The following GMPR variants were observed in gnomAD, a reference collection of about 807,000 sequenced individuals.
The protein encoded by GMPR is GMP reductase 1.
In GMPR, 31 loss-of-function variants were observed where a neutral mutation model predicts 38.4. That is an observed-to-expected ratio of 0.81 (90% CI 0.61 to 1.09). The LOEUF is 1.09. Ranked by LOEUF, GMPR falls within the 50% of genes least tolerant of loss-of-function variation. The probability of loss-of-function intolerance (pLI) is 0.00; values close to 1 mark genes in which losing one functional copy is unlikely to be tolerated. For synonymous variants in GMPR, 162 were observed against 173.3 expected (o/e 0.93, Z 0.51); for missense variants, 468 against 453.7 (o/e 1.03, Z -0.29).
At chr6:16,285,520 G>A (rs1759662105) in intron 6 of GMPR, among the ~76,000 whole-genome samples, 1 of 152,232 alleles carries the variant, frequency 6.6e-6, no homozygotes, top group Non-Finnish European at 1.5e-5. Context: ...TGCAACAGAA[G>A]TGTCTGAGCC....
rs934321360 is a variant in GMPR at position 16,285,848 on chromosome 6, C to G, written c.697+13C>G. 10 of 1,604,668 alleles carry G rather than the reference C, an allele frequency of 6.2e-6. No homozygotes were observed. The highest frequency in any genetic ancestry group is 8.5e-6 in the Non-Finnish European group (10 of 1,174,644). On this transcript the variant is annotated intron_variant, in intron 7 of 8. Coordinates refer to ENST00000259727, the MANE Select transcript of GMPR (RefSeq NM_006877.4). ...GCCAAAGCCTTTGGTAAGGCCGGGC[C>G]CTGGTGCAGAGGGAGGGAAGGAAGG...
intron 7 of GMPR, among the ~76,000 whole-genome samples, chr6:16,289,067 G>C (rs946067007): frequency 2.0e-5 from 3 of 152,158 alleles, no homozygotes; most frequent in Admixed American, 6.5e-5. Flanking sequence ...TTCTTTGGGA[G>C]GGTGATTTGT....
At chr6:16,255,510 C>T (rs529219013) in intron 4 of GMPR, among the ~76,000 whole-genome samples, 19 of 152,102 alleles carry the variant, frequency 1.2e-4, no homozygotes, top group Non-Finnish European at 1.6e-4. Flanking sequence ...GATGGTGAAT[C>T]GGTCAGTGGT....
intron 8 of GMPR, among the ~76,000 whole-genome samples, chr6:16,293,018 C>CTG (rs781099789): frequency 6.8e-6 from 1 of 147,338 alleles, no homozygotes; most frequent in East Asian, 1.9e-4. Context: ...CTGTCTGAGT[C>CTG]TCTCTCTCTC....
chr6:16,281,319 G>T (rs1759568877), intron 6 of GMPR, among the ~76,000 whole-genome samples: 1 of 152,090 alleles, frequency 6.6e-6, no homozygotes, highest in Non-Finnish European at 1.5e-5. Context: ...TACGCTGGCG[G>T]GGTGAGTGTT....
chr6:16,267,149 G>A lies in GMPR; in HGVS notation c.466-7266G>A, dbSNP rs146389505. Among the ~76,000 whole-genome samples the A allele has an allele frequency of 1.6e-3, 240 of 152,206 alleles. 5 individuals carry two copies. The highest frequency in any genetic ancestry group is 0.014 in the Admixed American group (220 of 15,292). On this transcript the variant is annotated intron_variant, in intron 4 of 8. Transcript: ENST00000259727. Reference sequence around the variant, plus strand: ...GAGGCCGAGGTGGGCGGATCACCAGGTCAGGAGATCATGACCATCCTGGCT... The same window carrying A: ...GAGGCCGAGGTGGGCGGATCACCAGATCAGGAGATCATGACCATCCTGGCT...
At chr6:16,251,541 G>A (rs957060014) in intron 3 of GMPR, among the ~76,000 whole-genome samples, 1 of 152,212 alleles carries the variant, frequency 6.6e-6, no homozygotes, top group African/African-American at 2.4e-5. Context: ...TTGCACTCCA[G>A]CCTGGGCAAC....
chr6:16,249,870 C>T (rs960208812), intron 2 of GMPR, among the ~76,000 whole-genome samples: 5 of 152,114 alleles, frequency 3.3e-5, no homozygotes, highest in South Asian at 2.1e-4. Flanking sequence ...TCTTCAGGGT[C>T]GGCTAAGCAG....
rs151118136 is a variant in GMPR at position 16,272,879 on chromosome 6, G to A, written c.466-1536G>A. Among the ~76,000 whole-genome samples, 377 of 151,874 alleles carry A rather than the reference G, an allele frequency of 2.5e-3. 2 individuals are homozygous for A. The highest frequency in any genetic ancestry group is 8.6e-3 in the African/African-American group (354 of 41,374). On this transcript the variant is annotated intron_variant, in intron 4 of 8. Transcript: ENST00000259727. The stretch of plus-strand genomic sequence containing the variant: ...GGATTTTGCCATGTTGCCCAAGCTC[G>A]TCTCAAACTCCTGGGCTCGAGCAAT...
chr6:16,244,947 G>A (rs1303811864), intron 1 of GMPR, among the ~76,000 whole-genome samples: 1 of 152,148 alleles, frequency 6.6e-6, no homozygotes, highest in African/African-American at 2.4e-5. Context: ...CTGCTGATAG[G>A]TTTTGGAGTG....
chr6:16,268,746 A>C (rs1430398620), intron 4 of GMPR, among the ~76,000 whole-genome samples: 1 of 152,154 alleles, frequency 6.6e-6, no homozygotes, highest in Non-Finnish European at 1.5e-5. Flanking sequence ...TTTAATGGGT[A>C]CAGAATTTCA....
At chr6:16,278,644 C>G (rs968769174) in intron 5 of GMPR, 140 bp from the exon 6 acceptor site, 5 of 705,110 alleles carry the variant, frequency 7.1e-6, no homozygotes, top group African/African-American at 7.0e-5. Flanking sequence ...GATGGGGCAG[C>G]CTGTTCCCCA....
Position 16,274,510 on chromosome 6 carries a change from G to C in GMPR, c.547+14G>C. The C allele has an allele frequency of 6.8e-7, 1 of 1,477,862 alleles. No individual in the cohort carries two copies. 91.5% of individuals were successfully genotyped at this position (1,477,862 alleles called of 1,614,324 possible). A position where few individuals can be genotyped will look rare whatever the true frequency, so the allele number is the denominator to read the frequency against. On this transcript the variant is annotated intron_variant, in intron 5 of 8. Coordinates refer to ENST00000259727, the MANE Select transcript of GMPR (RefSeq NM_006877.4). The stretch of plus-strand genomic sequence containing the variant: ...GAGTTGGACCAGGTAAGACTTGTTA[G>C]GAGCACAGCAGAGGACGTGTGTGGG...
chr6:16,294,996 C>T lies in GMPR; in HGVS notation c.858-10C>T, dbSNP rs202063080. On this transcript the variant is annotated splice_polypyrimidine_tract_variant and intron_variant, in intron 8 of 8. Coordinates refer to ENST00000259727, the MANE Select transcript of GMPR (RefSeq NM_006877.4). Reference sequence around the variant, plus strand: ...AACTAGATAAAAAGAAAACTTCTATCGTCTTCCAGAGCCTCTGAGGGTAAG... The same window carrying T: ...AACTAGATAAAAAGAAAACTTCTATTGTCTTCCAGAGCCTCTGAGGGTAAG... The T allele has an allele frequency of 9.4e-6, 15 of 1,600,470 alleles. No individual in the cohort carries two copies. The highest frequency in any genetic ancestry group is 2.7e-5 in the African/African-American group (2 of 73,832).
Position 16,290,479 on chromosome 6 carries a change from G to A in GMPR, c.715G>A (p.Val239Ile). The A allele has an allele frequency of 6.2e-7, 1 of 1,614,038 alleles. No homozygotes were observed. The highest frequency in any genetic ancestry group is 8.5e-7 in the Non-Finnish European group (1 of 1,179,916). The change falls in exon 8 of 9, where the codon GTC (valine) becomes ATC (isoleucine). Residue 239 changes from valine to isoleucine, a missense_variant. Transcript: ENST00000259727. ...AKAFGAGADF[V>I]MLGGMFSGHT... ...GCATTTAGGAGCTGGAGCAGATTTT[G>A]TCATGCTGGGAGGAATGTTTTCGGG...
At chr6:16,245,614 C>T (rs901620414) in intron 1 of GMPR, among the ~76,000 whole-genome samples, 4 of 152,198 alleles carry the variant, frequency 2.6e-5, no homozygotes, top group African/African-American at 7.2e-5. Flanking sequence ...TTGTGTCTAT[C>T]GGAGTCCAGC....
At chr6:16,250,601 T>C (rs1292633692) in intron 3 of GMPR, among the ~76,000 whole-genome samples, 1 of 152,222 alleles carries the variant, frequency 6.6e-6, no homozygotes, top group African/African-American at 2.4e-5. Flanking sequence ...AAGTGTGTTA[T>C]ATCCCAAGAG....
chr6:16,261,025 C>G (rs1254161716), intron 4 of GMPR, among the ~76,000 whole-genome samples: 2 of 151,844 alleles, frequency 1.3e-5, no homozygotes, highest in Admixed American at 1.3e-4. Flanking sequence ...GTAAGTTGAG[C>G]ATAGTTTGTG....
chr6:16,246,876 C>T lies in GMPR; in HGVS notation c.122C>T (p.Ser41Leu). The T allele has an allele frequency of 6.2e-7, 1 of 1,613,416 alleles. No homozygotes were observed. The highest frequency in any genetic ancestry group is 8.5e-7 in the Non-Finnish European group (1 of 1,179,488). The change falls in exon 2 of 9, where the codon TCA becomes TTA. Residue 41 changes from serine (S) to leucine (L), a missense_variant. Physicochemically the swap from Ser to Leu is moderately radical, Grantham distance 145 (BLOSUM62 -2). Transcript: ENST00000259727. ...DLERTFTFRNSKQTYSGIPII... is the reference protein window; with the variant it reads ...DLERTFTFRNLKQTYSGIPII... ...GAACGCACCTTCACGTTTCGAAATT[C>T]AAAGCAGACCTACTCAGGGATTCCC...
Sources: allele counts gnomAD v4.1 joint callset (sites outside exome capture counted in the v4.1 genomes callset), GRCh38; gene constraint gnomAD v4.1.1; transcripts MANE v1.5; gene names NCBI Gene and HGNC (gene_info 2026-07-23, HGNC 2026-07-21).